TMEM178B: variants seen among roughly 807,000 people sequenced by gnomAD.
The protein encoded by TMEM178B is transmembrane protein 178B.
In TMEM178B, 5 loss-of-function variants were observed where a neutral mutation model predicts 31.0. The observed-to-expected ratio is 0.16, with a 90% confidence interval of 0.08 to 0.34. The LOEUF is 0.34. Among genes scored for constraint, TMEM178B ranks in the 10% least tolerant of loss-of-function variants. The pLI is 1.00. For missense variants in TMEM178B, 275 were observed against 400.3 expected, an observed-to-expected ratio of 0.69 and a Z score of 2.67; for synonymous variants, 164 against 164.0, an observed-to-expected ratio of 1.00 and a Z score of 0.00.
At chr7:141,217,762 G>A (rs983250342) in intron 2 of TMEM178B, among the ~76,000 whole-genome samples, 5 of 152,124 alleles carry the variant, frequency 3.3e-5, no homozygotes, top group Admixed American at 6.5e-5. Context: ...TCCCTGAGAC[G>A]CGGACTCACT....
At position 141,479,878 on chromosome 7, in the gene TMEM178B, GGCA is replaced by G. The variant is rs1283668754; in HGVS notation, c.*9096_*9098del. On this transcript the variant is annotated 3_prime_UTR_variant, in exon 4 of 4. Coordinates refer to ENST00000565468, the MANE Select transcript of TMEM178B (RefSeq NM_001195278.2). Reference sequence around the variant, plus strand: ...TTCTAACAATGCCTCTGCCCTTGGAGGCAGCAATTCCTGTGGTTATTGGTGCTA... The same window carrying G: ...TTCTAACAATGCCTCTGCCCTTGGAGGCAATTCCTGTGGTTATTGGTGCTA... The G allele has an allele frequency of 3.9e-5, 6 of 152,192 alleles. No homozygotes were observed. Among genetic ancestry groups the G allele is most frequent in the Admixed American group, 3.9e-4 (6 of 15,288 alleles). The allele number at this position is 152,192 out of a possible 1,614,324, so 9.4% of individuals were successfully genotyped here.
chr7:141,354,601 C>T (rs1338695315), intron 2 of TMEM178B, among the ~76,000 whole-genome samples: 1 of 152,132 alleles, frequency 6.6e-6, no homozygotes, highest in Non-Finnish European at 1.5e-5. Context: ...TCTTTCGTAT[C>T]CCCTTCCTAC....
rs954534798 is a variant in TMEM178B at position 141,413,126 on chromosome 7, G to A, written c.497-24482G>A. Among the ~76,000 whole-genome samples the A allele has an allele frequency of 9.2e-5, 14 of 152,088 alleles. No homozygotes were observed. In the East Asian group the frequency reaches 1.9e-3, roughly 21 times the overall value. On this transcript the variant is annotated intron_variant, in intron 2 of 3. Transcript: ENST00000565468. ...GAATTTTACCTGAGCCCTTCTATGCGCCACTCACAGTGCCATGTGTAAAGC... is the reference window on the plus strand; with the variant it reads ...GAATTTTACCTGAGCCCTTCTATGCACCACTCACAGTGCCATGTGTAAAGC...
intron 1 of TMEM178B, among the ~76,000 whole-genome samples, chr7:141,168,549 A>C (rs1001643345): frequency 6.6e-6 from 1 of 152,184 alleles, no homozygotes; most frequent in African/African-American, 2.4e-5. Context: ...AGGTGGGTGG[A>C]ACACTTGAGG....
At chr7:141,356,598 T>A (rs180724722) in intron 2 of TMEM178B, among the ~76,000 whole-genome samples, 1 of 146,928 alleles carries the variant, frequency 6.8e-6, no homozygotes, top group East Asian at 2.1e-4. Flanking sequence ...TTGTTTAACT[T>A]CCTTATAGAC....
chr7:141,188,671 A>G (rs1330180416), intron 1 of TMEM178B, among the ~76,000 whole-genome samples: 2 of 152,212 alleles, frequency 1.3e-5, no homozygotes, highest in Non-Finnish European at 2.9e-5. Context: ...CTTACATTCT[A>G]GTTAGGATAA....
chr7:141,336,661 T>C (rs974114742), intron 2 of TMEM178B, among the ~76,000 whole-genome samples: 2 of 151,840 alleles, frequency 1.3e-5, no homozygotes, highest in African/African-American at 4.8e-5. Flanking sequence ...TATAATTATA[T>C]AAATGCATAG....
At chr7:141,166,275 C>G (rs558023535) in intron 1 of TMEM178B, among the ~76,000 whole-genome samples, 46 of 152,276 alleles carry the variant, frequency 3.0e-4, no homozygotes, top group African/African-American at 1.1e-3. Flanking sequence ...CAGACTGCAA[C>G]CAGACAGGTG....
chr7:141,473,272 C>T lies in TMEM178B; in HGVS notation c.*2486C>T, dbSNP rs1018194806. 2.0e-5 allele frequency: 3 copies of T among 152,154 alleles called. No individual in the cohort carries two copies. Among genetic ancestry groups the T allele is most frequent in the African/African-American group, 7.2e-5 (3 of 41,432 alleles). 9.4% of individuals were successfully genotyped at this position (152,154 alleles called of 1,614,324 possible). On this transcript the variant is annotated 3_prime_UTR_variant, in exon 4 of 4. Transcript: ENST00000565468. ...GATTGAGAGGCCTTTTGTCTTCCTT[C>T]CAAGCGTCCTGAAGGGGCTCTGCCG...
chr7:141,457,616 C>T (rs1444770574), intron 3 of TMEM178B, among the ~76,000 whole-genome samples: 1 of 152,140 alleles, frequency 6.6e-6, no homozygotes, highest in African/African-American at 2.4e-5. Flanking sequence ...ATAAAAATGC[C>T]ACTCTCACAG....
chr7:141,215,818 C>CT (rs1563120299), intron 2 of TMEM178B, among the ~76,000 whole-genome samples: 2 of 81,188 alleles, frequency 2.5e-5, no homozygotes, highest in South Asian at 4.7e-4. Flanking sequence ...TTCTTTCTTT[C>CT]TTTCTTTCTT....
intron 1 of TMEM178B, among the ~76,000 whole-genome samples, chr7:141,189,093 C>T (rs1040946253): frequency 2.0e-4 from 30 of 152,230 alleles, no homozygotes; most frequent in Non-Finnish European, 4.0e-4. Flanking sequence ...ATCTTTCAGA[C>T]AGCTGTGGTA....
intron 1 of TMEM178B, among the ~76,000 whole-genome samples, chr7:141,133,777 G>T (rs1455009163): frequency 6.6e-6 from 1 of 152,118 alleles, no homozygotes; most frequent in African/African-American, 2.4e-5. Flanking sequence ...TCTTCCCCAA[G>T]GCAGATTGTG....
intron 2 of TMEM178B, among the ~76,000 whole-genome samples, chr7:141,266,169 T>C (rs1438713047): frequency 6.6e-6 from 1 of 152,226 alleles, no homozygotes; most frequent in African/African-American, 2.4e-5. Context: ...TACTGATATT[T>C]GAAGCTCCAA....
chr7:141,220,311 AAATAATAATAAT>A (rs143440134), intron 2 of TMEM178B, among the ~76,000 whole-genome samples: 3,053 of 140,636 alleles, frequency 0.022, 50 homozygotes, highest in Non-Finnish European at 0.031. Context: ...ACTCCATCTC[AAATAATAATAAT>A]AATAATAATA....
chr7:141,216,462 C>T (rs556067183), intron 2 of TMEM178B, among the ~76,000 whole-genome samples: 50,648 of 93,916 alleles, frequency 0.54, 10,711 homozygotes, highest in East Asian at 0.68. Flanking sequence ...CGCGCGCGCG[C>T]GTGTGTGTGT....
intron 2 of TMEM178B, among the ~76,000 whole-genome samples, chr7:141,366,751 T>C (rs1178812800): frequency 6.6e-6 from 1 of 152,138 alleles, no homozygotes; most frequent in African/African-American, 2.4e-5. Context: ...TTCCAGAATG[T>C]AGATGTCCCT....
chr7:141,427,727 T>A (rs549714811), intron 2 of TMEM178B, among the ~76,000 whole-genome samples: 25 of 152,060 alleles, frequency 1.6e-4, no homozygotes, highest in African/African-American at 5.6e-4. Flanking sequence ...AAAAAGCTTC[T>A]GTACAGTAAA....
intron 2 of TMEM178B, among the ~76,000 whole-genome samples, chr7:141,353,607 C>T (rs927166108): frequency 5.3e-5 from 8 of 152,204 alleles, no homozygotes; most frequent in African/African-American, 9.7e-5. Context: ...TACACTATTA[C>T]TGCTGTCTCT....
Sources: allele counts gnomAD v4.1 joint callset (sites outside exome capture counted in the v4.1 genomes callset), GRCh38; gene constraint gnomAD v4.1.1; transcripts MANE v1.5; gene names NCBI Gene and HGNC (gene_info 2026-07-23, HGNC 2026-07-21).